CACNA1C: variants seen among roughly 807,000 people sequenced by gnomAD.
The protein encoded by CACNA1C is calcium voltage-gated channel subunit alpha1 C, also known as voltage-dependent L-type calcium channel subunit alpha-1C.
CACNA1C carries 30 observed loss-of-function variants against 229.0 expected under a neutral mutation model. The ratio of observed to expected loss-of-function variants is 0.13; its 90% CI spans 0.10 to 0.18. The LOEUF (loss-of-function observed/expected upper bound fraction) is 0.18. CACNA1C is among the 10% of genes least tolerant of loss of function. The pLI, the probability that CACNA1C is intolerant of heterozygous loss-of-function variation, is 1.00. For missense variants in CACNA1C, 1,658 were observed against 2,845.0 expected (o/e 0.58, Z 9.49); for synonymous variants, 1,114 against 1,132.5 (o/e 0.98, Z 0.33).
chr12:2,392,194 C>T (rs146894364), intron 3 of CACNA1C, among the ~76,000 whole-genome samples: 2 of 152,300 alleles, frequency 1.3e-5, no homozygotes, highest in East Asian at 3.9e-4. Context: ...TAATAAATTG[C>T]TCCATGTTGT....
chr12:2,065,170 C>G (rs2058885650), intron 1 of CACNA1C, among the ~76,000 whole-genome samples: 1 of 152,196 alleles, frequency 6.6e-6, no homozygotes, highest in African/African-American at 2.4e-5. Flanking sequence ...CTGAGACATC[C>G]TGGGGATTCG....
chr12:2,136,706 A>G (rs188942052), intron 3 of CACNA1C, among the ~76,000 whole-genome samples: 5 of 151,290 alleles, frequency 3.3e-5, no homozygotes, highest in Admixed American at 1.3e-4. Context: ...TTTGGAAAGC[A>G]TAAGGGGTAG....
rs796830744 is a variant in CACNA1C at position 1,985,035 on chromosome 12, T to TA, written c.139+13849dup. ...GTTTTCTCTGGTTTGCTTTCAAGAT[T>TA]AAAAAAAAAAAAAAATCTTTGTTTT... On this transcript the variant is annotated intron_variant, in intron 1 of 46. Coordinates refer to the CACNA1C transcript ENST00000682462. Among the ~76,000 whole-genome samples the TA allele has an allele frequency of 4.9e-3, 695 of 142,402 alleles. 2 individuals are homozygous for TA. Among genetic ancestry groups the TA allele is most frequent in the African/African-American group, 6.7e-3 (262 of 38,900 alleles). The allele number at this position is 142,402 out of a possible 152,430, so 93.4% of individuals were successfully genotyped here. A position where few individuals can be genotyped will look rare whatever the true frequency, so the allele number is the denominator to read the frequency against.
intron 3 of CACNA1C, among the ~76,000 whole-genome samples, chr12:2,237,176 A>G (rs1436485299): frequency 2.0e-5 from 3 of 152,226 alleles, no homozygotes; most frequent in African/African-American, 7.2e-5. Flanking sequence ...CTTAATTCCA[A>G]TGTGTGAAAC....
At chr12:2,684,658 C>A (rs2097350236) in intron 43 of CACNA1C, among the ~76,000 whole-genome samples, 1 of 152,246 alleles carries the variant, frequency 6.6e-6, no homozygotes, top group Admixed American at 6.5e-5. Flanking sequence ...CCCAGGGGTA[C>A]AGGCGTTCAG....
At chr12:2,577,891 C>A (rs1159184097) in intron 13 of CACNA1C, among the ~76,000 whole-genome samples, 1 of 145,672 alleles carries the variant, frequency 6.9e-6, no homozygotes, top group Admixed American at 6.9e-5. Context: ...TTTTTTGAGA[C>A]GGAGTCTCGC....
intron 4 of CACNA1C, among the ~76,000 whole-genome samples, chr12:2,454,729 C>T (rs914238640): frequency 7.2e-5 from 11 of 152,262 alleles, no homozygotes; most frequent in South Asian, 2.1e-4. Flanking sequence ...CTGCTTTGTC[C>T]GCACTCCATT....
intron 3 of CACNA1C, among the ~76,000 whole-genome samples, chr12:2,366,673 C>A (rs2097727645): frequency 6.6e-6 from 1 of 152,170 alleles, no homozygotes; most frequent in Non-Finnish European, 1.5e-5. Flanking sequence ...CAGTCCCCAA[C>A]CTTTTTGGCA....
intron 1 of CACNA1C, among the ~76,000 whole-genome samples, chr12:2,017,091 G>A (rs1231768606): frequency 2.0e-5 from 3 of 152,140 alleles, no homozygotes; most frequent in Non-Finnish European, 4.4e-5. Context: ...CTTTAAAAGG[G>A]GAAGTGACAT....
At chr12:2,214,921 T>C (rs2059600158) in intron 3 of CACNA1C, among the ~76,000 whole-genome samples, 1 of 151,972 alleles carries the variant, frequency 6.6e-6, no homozygotes. Context: ...AAAGAGGTAC[T>C]CAAGAAGAGA....
At chr12:2,311,578 C>T (rs916708560) in intron 3 of CACNA1C, among the ~76,000 whole-genome samples, 6 of 152,148 alleles carry the variant, frequency 3.9e-5, no homozygotes, top group East Asian at 3.9e-4. Context: ...CAGGCGACAG[C>T]GTGAGAAGCC....
intron 29 of CACNA1C, among the ~76,000 whole-genome samples, chr12:2,620,484 TCAC>T (rs1284834305): frequency 6.6e-6 from 1 of 152,190 alleles, no homozygotes; most frequent in African/African-American, 2.4e-5. Flanking sequence ...CATTCTCGAG[TCAC>T]CACCCTCTGG....
At chr12:2,288,498 T>A (rs1393341855) in intron 3 of CACNA1C, among the ~76,000 whole-genome samples, 1 of 152,174 alleles carries the variant, frequency 6.6e-6, no homozygotes, top group Non-Finnish European at 1.5e-5. Flanking sequence ...TCCCTCTGAG[T>A]CAGCTTGTCC....
chr12:2,257,643 G>A (rs984060106), intron 3 of CACNA1C, among the ~76,000 whole-genome samples: 9 of 152,196 alleles, frequency 5.9e-5, no homozygotes, highest in Non-Finnish European at 1.2e-4. Context: ...CCGGTACCTG[G>A]GGGCTGGGGA....
At chr12:2,502,285 G>T (rs1039637134) in intron 7 of CACNA1C, among the ~76,000 whole-genome samples, 1 of 152,230 alleles carries the variant, frequency 6.6e-6, no homozygotes, top group Non-Finnish European at 1.5e-5. Flanking sequence ...GTTAGCTGAG[G>T]ACCTACTATG....
chr12:2,561,553 G>A (rs1223951399), intron 11 of CACNA1C, among the ~76,000 whole-genome samples: 1 of 152,242 alleles, frequency 6.6e-6, no homozygotes, highest in Non-Finnish European at 1.5e-5. Context: ...AGCATGCATC[G>A]TGGAGAAGCT....
At chr12:2,307,864 G>A (rs1488572699) in intron 3 of CACNA1C, among the ~76,000 whole-genome samples, 1 of 152,146 alleles carries the variant, frequency 6.6e-6, no homozygotes, top group Non-Finnish European at 1.5e-5. Context: ...GAAAAGTAAG[G>A]TAGAAACAAA....
chr12:2,306,998 C>T (rs2154479740), intron 3 of CACNA1C, among the ~76,000 whole-genome samples: 1 of 152,294 alleles, frequency 6.6e-6, no homozygotes, highest in South Asian at 2.1e-4. Flanking sequence ...AATCAGGACC[C>T]CCCTCACCAA....
chr12:2,036,132 G>C (rs2470395), intron 1 of CACNA1C, among the ~76,000 whole-genome samples: 62,333 of 152,092 alleles, frequency 0.41, 14,138 homozygotes, highest in African/African-American at 0.61. Context: ...CATTGGTATC[G>C]TGTGCAATTC....
Sources: gnomAD v4.1 joint callset for allele counts (sites outside exome capture counted in the v4.1 genomes callset) on GRCh38, gnomAD v4.1.1 for gene constraint, MANE v1.5 for transcripts, NCBI Gene and HGNC (gene_info 2026-07-23, HGNC 2026-07-21) for gene names.